FCHO2: variants seen among roughly 807,000 people sequenced by gnomAD.
FCHO2 encodes the protein FCH and mu domain containing endocytic adaptor 2.
Under a neutral mutation model 114.1 loss-of-function variants are expected in FCHO2, and 43 were observed. The ratio of observed to expected loss-of-function variants is 0.38; its 90% CI spans 0.30 to 0.49. FCHO2 has a LOEUF of 0.49. Among genes scored for constraint, FCHO2 ranks in the 20% least tolerant of loss-of-function variants. The probability of loss-of-function intolerance (pLI) is 0.97; values close to 1 mark genes in which losing one functional copy is unlikely to be tolerated. For synonymous variants in FCHO2, 293 were observed against 315.2 expected (o/e 0.93, Z 0.75); for missense variants, 807 against 950.4 (o/e 0.85, Z 1.98).
At chr5:73,074,350 A>G (rs1182928286) in intron 19 of FCHO2, among the ~76,000 whole-genome samples, 1 of 152,142 alleles carries the variant, frequency 6.6e-6, no homozygotes, top group Non-Finnish European at 1.5e-5. Flanking sequence ...AAACTTAAAT[A>G]CAAAAATCCT....
intron 1 of FCHO2, among the ~76,000 whole-genome samples, chr5:72,965,043 A>G (rs934776853): frequency 6.6e-6 from 1 of 151,794 alleles, no homozygotes; most frequent in Non-Finnish European, 1.5e-5. Flanking sequence ...CATGACCAGT[A>G]TATAAAGGGT....
At chr5:73,001,413 C>CTT (rs1754426927) in intron 5 of FCHO2, among the ~76,000 whole-genome samples, 1 of 131,106 alleles carries the variant, frequency 7.6e-6, no homozygotes. Context: ...TGCACCACTG[C>CTT]ACTACAGCCC....
At position 73,058,492 on chromosome 5, in the gene FCHO2, C is replaced by G; in HGVS notation, c.1313C>G (p.Ser438Cys). 6.5e-7 allele frequency: 1 copy of G among 1,532,662 alleles called. No homozygotes were observed. Among genetic ancestry groups the G allele is most frequent in the South Asian group, 1.2e-5 (1 of 82,096 alleles). The allele number at this position is 1,532,662 out of a possible 1,614,324, so 94.9% of individuals were successfully genotyped here. The change falls in exon 17 of 26, where the codon TCT becomes TGT. Residue 438 changes from serine to cysteine, a missense_variant. Coordinates refer to ENST00000430046, the MANE Select transcript of FCHO2 (RefSeq NM_138782.3). ...DPLFGPSLDSSSSSSLTSSSS... is the reference protein window; with the variant it reads ...DPLFGPSLDSCSSSSLTSSSS... ...CTATTTGGACCATCTCTTGATTCAT[C>G]TTCTTCATCTTCACTAACTTCATCA...
At chr5:72,996,878 G>T in intron 5 of FCHO2, 3 of 1,461,266 alleles carry the variant, frequency 2.1e-6, no homozygotes, top group Non-Finnish European at 1.8e-6. Context: ...GGCCCCCGGG[G>T]CCGGCGGGGC....
intron 19 of FCHO2, among the ~76,000 whole-genome samples, chr5:73,070,963 A>T (rs1742616445): frequency 6.6e-6 from 1 of 152,092 alleles, no homozygotes; most frequent in African/African-American, 2.4e-5. Flanking sequence ...ATTGTATCAG[A>T]AGCAAATGTA....
chr5:73,034,512 T>A, intron 8 of FCHO2, 145 bp from the exon 9 acceptor site: 1 of 553,148 alleles, frequency 1.8e-6, no homozygotes, highest in Non-Finnish European at 3.1e-6. Flanking sequence ...AATTATTAGG[T>A]AACAACTAGA....
At chr5:73,012,689 A>G (rs1297360218) in intron 6 of FCHO2, among the ~76,000 whole-genome samples, 1 of 152,170 alleles carries the variant, frequency 6.6e-6, no homozygotes, top group Non-Finnish European at 1.5e-5. Flanking sequence ...GCAGGGAGTA[A>G]AGTGCCTATC....
chr5:72,956,768 A>G (rs950624742), intron 1 of FCHO2, among the ~76,000 whole-genome samples: 2 of 152,116 alleles, frequency 1.3e-5, no homozygotes, highest in Admixed American at 1.3e-4. Context: ...GCTTAAATGC[A>G]TGGAGACCTC....
intron 18 of FCHO2, 93 bp from the exon 19 acceptor site, chr5:73,068,557 T>A: frequency 7.3e-7 from 1 of 1,371,644 alleles, no homozygotes; most frequent in Non-Finnish European, 9.9e-7. Flanking sequence ...GTAAATTTGG[T>A]TTGGTATGTT....
chr5:72,983,974 G>A (rs1753374402), intron 2 of FCHO2, among the ~76,000 whole-genome samples: 1 of 152,032 alleles, frequency 6.6e-6, no homozygotes, highest in Admixed American at 6.6e-5. Context: ...ATTTTCCAAG[G>A]TGGTTGTATC....
intron 1 of FCHO2, among the ~76,000 whole-genome samples, chr5:72,958,239 C>CATG (rs1438481349): frequency 1.3e-5 from 2 of 152,056 alleles, no homozygotes; most frequent in East Asian, 3.8e-4. Context: ...TTTATTGCAT[C>CATG]TAACCCAAAA....
chr5:73,035,470 G>T (rs114839729), intron 9 of FCHO2, among the ~76,000 whole-genome samples: 34 of 152,094 alleles, frequency 2.2e-4, no homozygotes, highest in African/African-American at 7.0e-4. Flanking sequence ...AAGATGAGGG[G>T]CTAGCTTAAA....
At chr5:72,976,479 G>A (rs1752887395) in intron 2 of FCHO2, among the ~76,000 whole-genome samples, 2 of 152,030 alleles carry the variant, frequency 1.3e-5, no homozygotes, top group African/African-American at 2.4e-5. Context: ...AAAGCTCTGC[G>A]ATTACAGGAG....
chr5:73,005,332 T>A (rs530852300), intron 5 of FCHO2, among the ~76,000 whole-genome samples: 72 of 152,270 alleles, frequency 4.7e-4, no homozygotes, highest in African/African-American at 1.5e-3. Flanking sequence ...AATTAAGTAT[T>A]TTACAGCTTT....
chr5:72,992,610 AAG>A, intron 5 of FCHO2, among the ~76,000 whole-genome samples: 1 of 151,114 alleles, frequency 6.6e-6, no homozygotes, highest in African/African-American at 2.5e-5. Flanking sequence ...GGGAGAAAAG[AAG>A]GCTCTTGGGT....
chr5:73,031,015 C>G (rs1756212164), intron 8 of FCHO2, among the ~76,000 whole-genome samples: 1 of 152,094 alleles, frequency 6.6e-6, no homozygotes, highest in Non-Finnish European at 1.5e-5. Context: ...ATGATACAAC[C>G]TAGGTTCAAA....
chr5:72,965,486 A>C (rs1752153400), intron 1 of FCHO2, among the ~76,000 whole-genome samples: 1 of 152,224 alleles, frequency 6.6e-6, no homozygotes, highest in Non-Finnish European at 1.5e-5. Context: ...CAAACCTTCA[A>C]TTTGTAAAAA....
chr5:73,058,396 C>G, intron 16 of FCHO2, 37 bp from the exon 17 acceptor site: 1 of 1,393,108 alleles, frequency 7.2e-7, no homozygotes, highest in South Asian at 1.4e-5. Context: ...ATAAAATATT[C>G]TCGTTAAAAT....
At chr5:73,008,348 G>A (rs879286710) in intron 6 of FCHO2, among the ~76,000 whole-genome samples, 1 of 152,204 alleles carries the variant, frequency 6.6e-6, no homozygotes, top group Admixed American at 6.5e-5. Context: ...ATGAGGGCCA[G>A]CGTAGTGGTC....
Sources: gnomAD v4.1 joint callset for allele counts (sites outside exome capture counted in the v4.1 genomes callset) on GRCh38, gnomAD v4.1.1 for gene constraint, MANE v1.5 for transcripts, NCBI Gene and HGNC (gene_info 2026-07-23, HGNC 2026-07-21) for gene names.